The following AGAP1 variants were observed in gnomAD, a reference collection of about 807,000 sequenced individuals.
AGAP1 encodes the protein ArfGAP with GTPase domain, ankyrin repeat and PH domain 1.
Under a neutral mutation model 105.3 loss-of-function variants are expected in AGAP1, and 29 were observed. The ratio of observed to expected loss-of-function variants is 0.28; its 90% CI spans 0.21 to 0.38. The LOEUF (loss-of-function observed/expected upper bound fraction) is 0.38. Among genes scored for constraint, AGAP1 ranks in the 10% least tolerant of loss-of-function variants. AGAP1 has a pLI of 1.00. For missense variants in AGAP1, 998 were observed against 1,165.1 expected (o/e 0.86, Z 2.09); for synonymous variants, 509 against 485.9 (o/e 1.05, Z -0.63).
intron 8 of AGAP1, among the ~76,000 whole-genome samples, chr2:235,800,250 C>T (rs1292766346): frequency 6.6e-6 from 1 of 151,750 alleles, no homozygotes; most frequent in Non-Finnish European, 1.5e-5. Context: ...AGGCACTCAC[C>T]ACTACGTGTG....
At chr2:235,802,925 TGTG>T (rs1170361339) in intron 8 of AGAP1, among the ~76,000 whole-genome samples, 3 of 105,962 alleles carry the variant, frequency 2.8e-5, no homozygotes, top group East Asian at 3.1e-4. Context: ...TGGTTGTGGT[TGTG>T]GTTATGATGG....
chr2:235,774,760 CAG>C (rs1402025175), intron 6 of AGAP1, among the ~76,000 whole-genome samples: 2 of 152,146 alleles, frequency 1.3e-5, no homozygotes, highest in African/African-American at 4.8e-5. Context: ...GAGTAGAAAA[CAG>C]ATGCAGTCCT....
intron 1 of AGAP1, among the ~76,000 whole-genome samples, chr2:235,498,857 G>A (rs765529704): frequency 1.3e-5 from 2 of 152,180 alleles, no homozygotes; most frequent in African/African-American, 2.4e-5. Flanking sequence ...CCTGGCACTT[G>A]GCAGGAGAAC....
chr2:235,725,211 A>G lies in AGAP1; in HGVS notation c.310+7567A>G, dbSNP rs963641549. 2.6e-4 allele frequency among the ~76,000 whole-genome samples: 40 copies of G among 152,122 alleles called. No individual in the cohort carries two copies. Among genetic ancestry groups the G allele is most frequent in the African/African-American group, 9.2e-4 (38 of 41,476 alleles). On this transcript the variant is annotated intron_variant, in intron 3 of 17. Transcript: ENST00000304032. This position sits in a 1 kb window ranked among gnomAD's most constrained non-coding sequence, Gnocchi z 5.7. ...CTTTGTTCCCGGGGTTAGCCTTGCC[A>G]CCCTCCTTCAGGACTGCCTAGAATT...
chr2:235,965,123 G>C lies in AGAP1; in HGVS notation c.1484-3339G>C, dbSNP rs1213188708. ...ATGTCCACCGTGGAAAGCAAGTGTT[G>C]GGCAGAAGTGGCAGGGAAGTGGCAG... On this transcript the variant is annotated intron_variant, in intron 12 of 17. Coordinates refer to ENST00000304032, the MANE Select transcript of AGAP1 (RefSeq NM_001037131.3). This position sits in a 1 kb window ranked among gnomAD's most constrained non-coding sequence, Gnocchi z 5.8. 6.6e-6 allele frequency among the ~76,000 whole-genome samples: 1 copy of C among 152,210 alleles called. No individual in the cohort carries two copies. The highest frequency in any genetic ancestry group is 1.5e-5 in the Non-Finnish European group (1 of 68,030).
chr2:236,043,147 G>A lies in AGAP1; in HGVS notation c.1891+2306G>A, dbSNP rs149554861. ...AATACCCAATTTTGGTTAAAGTACC[G>A]GGATAGGTACAGTGCCCACACTGAT... On this transcript the variant is annotated intron_variant, in intron 15 of 17. Coordinates refer to ENST00000304032, the MANE Select transcript of AGAP1 (RefSeq NM_001037131.3). 3.5e-4 allele frequency among the ~76,000 whole-genome samples: 53 copies of A among 152,334 alleles called. No individual in the cohort carries two copies. The East Asian group carries it at 8.7e-3, about 25-fold the overall frequency.
chr2:235,630,168 T>C (rs1241167219), intron 1 of AGAP1, among the ~76,000 whole-genome samples: 1 of 152,204 alleles, frequency 6.6e-6, no homozygotes, highest in African/African-American at 2.4e-5. Flanking sequence ...CCCAGGGAGC[T>C]ATCACACGAT....
chr2:235,782,960 TAAA>T (rs1559481522), intron 6 of AGAP1, among the ~76,000 whole-genome samples: 1 of 152,130 alleles, frequency 6.6e-6, no homozygotes, highest in African/African-American at 2.4e-5. Flanking sequence ...GTAAGTGCAA[TAAA>T]TTGTGGTTTG....
At position 235,988,005 on chromosome 2, in the gene AGAP1, A is replaced by G. The variant is rs2055394069; in HGVS notation, c.1645+19382A>G. 6.6e-6 allele frequency among the ~76,000 whole-genome samples: 1 copy of G among 152,174 alleles called. No homozygotes were observed. Among genetic ancestry groups the G allele is most frequent in the African/African-American group, 2.4e-5 (1 of 41,450 alleles). On this transcript the variant is annotated intron_variant, in intron 13 of 17. Coordinates refer to ENST00000304032, the MANE Select transcript of AGAP1 (RefSeq NM_001037131.3). The surrounding 1 kb of genome is among the most constrained non-coding windows in gnomAD (Gnocchi z 4.7). ...AACCGAAAGTATGCAGAATGTTGGT[A>G]GTTAAAACTCCTTTTGTTATTTTGT...
intron 1 of AGAP1, among the ~76,000 whole-genome samples, chr2:235,564,499 A>G (rs1284071946): frequency 6.6e-6 from 1 of 152,208 alleles, no homozygotes; most frequent in Non-Finnish European, 1.5e-5. Flanking sequence ...TGCTACTCCT[A>G]AATTTAAGGT....
chr2:235,963,635 G>C lies in AGAP1; in HGVS notation c.1484-4827G>C, dbSNP rs1559700750. ...AGACAGTGTAATTTATCTAGGCTCA[G>C]TGGTCACTCTTAGAATCTTCCAGGA... On this transcript the variant is annotated intron_variant, in intron 12 of 17. Coordinates refer to ENST00000304032, the MANE Select transcript of AGAP1 (RefSeq NM_001037131.3). The surrounding 1 kb of genome is among the most constrained non-coding windows in gnomAD (Gnocchi z 5.1). Among the ~76,000 whole-genome samples, 1 of 152,168 alleles carries C rather than the reference G, an allele frequency of 6.6e-6. No individual in the cohort carries two copies. Among genetic ancestry groups the C allele is most frequent in the Non-Finnish European group, 1.5e-5 (1 of 68,034 alleles).
intron 11 of AGAP1, among the ~76,000 whole-genome samples, chr2:235,911,809 C>T (rs1355817876): frequency 2.0e-5 from 3 of 152,224 alleles, no homozygotes; most frequent in East Asian, 1.9e-4. Context: ...AGGACATCTC[C>T]GCAACCCTCA....
At chr2:235,513,782 T>C (rs542546619) in intron 1 of AGAP1, among the ~76,000 whole-genome samples, 1 of 152,242 alleles carries the variant, frequency 6.6e-6, no homozygotes, top group South Asian at 2.1e-4. Context: ...GGCTGGCAGA[T>C]AGAGGACCAC....
At chr2:235,695,324 C>G (rs1405235973) in intron 1 of AGAP1, among the ~76,000 whole-genome samples, 1 of 152,164 alleles carries the variant, frequency 6.6e-6, no homozygotes, top group Non-Finnish European at 1.5e-5. Flanking sequence ...ATAGTAGATG[C>G]TCATCGTAAA....
At chr2:235,870,453 C>A (rs779502599) in intron 9 of AGAP1, among the ~76,000 whole-genome samples, 17 of 152,068 alleles carry the variant, frequency 1.1e-4, no homozygotes, top group Admixed American at 2.6e-4. Context: ...ATGGCGAAAC[C>A]CTGTCTCTAC....
chr2:235,703,034 TCTC>T (rs1319476599), intron 1 of AGAP1, among the ~76,000 whole-genome samples: 1 of 145,830 alleles, frequency 6.9e-6, no homozygotes, highest in African/African-American at 2.5e-5. Flanking sequence ...TTTAAGCAAT[TCTC>T]CTGCCCCAGC....
At chr2:235,816,811 A>C (rs1958483777) in intron 9 of AGAP1, among the ~76,000 whole-genome samples, 1 of 152,088 alleles carries the variant, frequency 6.6e-6, no homozygotes, top group South Asian at 2.1e-4. Context: ...GAATCGCTTG[A>C]ACCCAGGAGA....
rs1334050787 is a variant in AGAP1, at chr2:235,993,258, T to C, written c.1645+24635T>C. 3.3e-5 allele frequency among the ~76,000 whole-genome samples: 5 copies of C among 152,220 alleles called. No individual in the cohort carries two copies. Among genetic ancestry groups the C allele is most frequent in the African/African-American group, 1.2e-4 (5 of 41,458 alleles). ...GCCAGTCTATACAATACTATTGATA[T>C]TTACTGCCTTGGAGCAGCCTTGGCA... is the stretch of plus-strand genomic sequence containing the variant. On this transcript the variant is annotated intron_variant, in intron 13 of 17. Transcript: ENST00000304032. This position sits in a 1 kb window ranked among gnomAD's most constrained non-coding sequence, Gnocchi z 5.0.
intron 9 of AGAP1, among the ~76,000 whole-genome samples, chr2:235,870,040 G>GAT (rs1485332055): frequency 6.6e-6 from 1 of 152,180 alleles, no homozygotes; most frequent in Non-Finnish European, 1.5e-5. Flanking sequence ...GATCACACAG[G>GAT]ATATGAGCAC....
Sources: gnomAD v4.1 joint callset for allele counts (sites outside exome capture counted in the v4.1 genomes callset) on GRCh38, gnomAD v4.1.1 for gene constraint, Gnocchi (gnomAD v3.1) non-coding constraint, MANE v1.5 for transcripts, NCBI Gene and HGNC (gene_info 2026-07-23, HGNC 2026-07-21) for gene names.